The following RNF152 variants were observed in gnomAD, a reference collection of about 807,000 sequenced individuals.
The protein encoded by RNF152 is E3 ubiquitin-protein ligase RNF152.
RNF152 carries 11 observed loss-of-function variants against 12.7 expected under a neutral mutation model. The ratio of observed to expected loss-of-function variants is 0.86; its 90% CI spans 0.54 to 1.43. RNF152 has a LOEUF of 1.43. RNF152 is among the 40% of genes most tolerant of loss of function. The pLI is 0.00. For synonymous variants in RNF152, 113 were observed against 120.3 expected (o/e 0.94, Z 0.40); for missense variants, 255 against 274.8 (o/e 0.93, Z 0.51).
At chr18:61,891,073 C>A (rs550974836) in intron 1 of RNF152, among the ~76,000 whole-genome samples, 1 of 152,276 alleles carries the variant, frequency 6.6e-6, no homozygotes, top group Admixed American at 6.5e-5. Context: ...AACCCCAACC[C>A]CTTGAGTCCA....
At chr18:61,825,824 T>G (rs545149690) in intron 1 of RNF152, among the ~76,000 whole-genome samples, 1 of 152,306 alleles carries the variant, frequency 6.6e-6, no homozygotes, top group African/African-American at 2.4e-5. Context: ...CAAATTTACA[T>G]TTTAATAAAA....
intron 1 of RNF152, among the ~76,000 whole-genome samples, chr18:61,836,414 G>A (rs966556333): frequency 6.6e-6 from 1 of 152,164 alleles, no homozygotes; most frequent in African/African-American, 2.4e-5. Flanking sequence ...GGGCCTTCAG[G>A]AGGTAATTAG....
intron 1 of RNF152, among the ~76,000 whole-genome samples, chr18:61,829,779 TGTGAGAAGAA>T (rs1909852355): frequency 3.3e-5 from 5 of 151,970 alleles, no homozygotes; most frequent in Admixed American, 3.3e-4. Context: ...GTTCTTATGT[TGTGAGAAGAA>T]GTGAGAATAT....
At chr18:61,823,645 G>C (rs570786483) in intron 1 of RNF152, among the ~76,000 whole-genome samples, 2 of 152,394 alleles carry the variant, frequency 1.3e-5, no homozygotes, top group East Asian at 3.9e-4. Context: ...GAATAGGGCA[G>C]GCGATGCTGA....
chr18:61,825,992 G>T (rs1429728854), intron 1 of RNF152, among the ~76,000 whole-genome samples: 1 of 152,118 alleles, frequency 6.6e-6, no homozygotes, highest in African/African-American at 2.4e-5. Flanking sequence ...AAAGGGGCAG[G>T]TAGTATATCC....
intron 1 of RNF152, among the ~76,000 whole-genome samples, chr18:61,879,076 G>C (rs368368875): frequency 2.0e-5 from 3 of 152,156 alleles, no homozygotes; most frequent in Non-Finnish European, 4.4e-5. Flanking sequence ...ACAAAGTATC[G>C]AAGAAAGTAC....
intron 1 of RNF152, among the ~76,000 whole-genome samples, chr18:61,847,014 G>A (rs1400027079): frequency 6.6e-6 from 1 of 152,070 alleles, no homozygotes; most frequent in Non-Finnish European, 1.5e-5. Flanking sequence ...ATTGTTATGA[G>A]GATTAAATGG....
At chr18:61,836,339 G>A (rs576703201) in intron 1 of RNF152, among the ~76,000 whole-genome samples, 9 of 152,226 alleles carry the variant, frequency 5.9e-5, no homozygotes, top group East Asian at 1.9e-4. Flanking sequence ...TAGGCCGAAT[G>A]TCTGTGTCCC....
intron 1 of RNF152, among the ~76,000 whole-genome samples, chr18:61,875,508 T>C (rs1382909060): frequency 1.3e-5 from 2 of 152,202 alleles, no homozygotes; most frequent in African/African-American, 4.8e-5. Flanking sequence ...TCTAGAGAGC[T>C]TCTCTCCCTG....
intron 1 of RNF152, among the ~76,000 whole-genome samples, chr18:61,851,768 T>C (rs1324011299): frequency 1.3e-5 from 2 of 152,180 alleles, no homozygotes; most frequent in East Asian, 1.9e-4. Context: ...AGAAGTTACA[T>C]GGCACTAGAG....
At chr18:61,883,729 T>C (rs1912567564) in intron 1 of RNF152, among the ~76,000 whole-genome samples, 1 of 152,260 alleles carries the variant, frequency 6.6e-6, no homozygotes, top group South Asian at 2.1e-4. Flanking sequence ...TTCATTTCAC[T>C]TGGGAAGAGT....
intron 1 of RNF152, among the ~76,000 whole-genome samples, chr18:61,842,995 G>C (rs1910520721): frequency 6.6e-6 from 1 of 152,248 alleles, no homozygotes; most frequent in Middle Eastern, 3.4e-3. Context: ...TTTCATGACT[G>C]GTTCTGGTAA....
chr18:61,884,297 A>G (rs1912596393), intron 1 of RNF152, among the ~76,000 whole-genome samples: 1 of 152,154 alleles, frequency 6.6e-6, no homozygotes, highest in Non-Finnish European at 1.5e-5. Flanking sequence ...ATTTAAACCC[A>G]AACCCATCTT....
chr18:61,825,317 A>G (rs1240836511), intron 1 of RNF152, among the ~76,000 whole-genome samples: 2 of 152,216 alleles, frequency 1.3e-5, no homozygotes, highest in East Asian at 3.8e-4. Flanking sequence ...CTGAGCATGT[A>G]TGTCCAATTG....
At chr18:61,849,930 T>C (rs1487200934) in intron 1 of RNF152, among the ~76,000 whole-genome samples, 1 of 152,250 alleles carries the variant, frequency 6.6e-6, no homozygotes, top group Admixed American at 6.5e-5. Context: ...CTGTGTGACC[T>C]GAGGCAATTC....
At position 61,846,699 on chromosome 18, in the gene RNF152, A is replaced by C. The variant is rs559513678; in HGVS notation, c.-135-30101T>G. ...CTGGCACCAGAAAGGTATTCTGTAC[A>C]TTCTGGGAAATTCATAGAAACATTT... On this transcript the variant is annotated intron_variant, in intron 1 of 1. Coordinates refer to ENST00000312828, the MANE Select transcript of RNF152 (RefSeq NM_173557.3). Among the ~76,000 whole-genome samples the C allele has an allele frequency of 5.3e-5, 8 of 152,356 alleles. No individual in the cohort carries two copies. In the South Asian group the frequency reaches 1.4e-3, roughly 28 times the overall value.
intron 1 of RNF152, among the ~76,000 whole-genome samples, chr18:61,860,187 C>T (rs1443727391): frequency 6.6e-6 from 1 of 152,096 alleles, no homozygotes; most frequent in Non-Finnish European, 1.5e-5. Context: ...CATGGGCCTG[C>T]CGACACCATG....
At chr18:61,890,690 A>C (rs4941081) in intron 1 of RNF152, among the ~76,000 whole-genome samples, 33 of 152,144 alleles carry the variant, frequency 2.2e-4, no homozygotes, top group Non-Finnish European at 3.7e-4. Context: ...TGGAAAAGCA[A>C]CATTTGTTTC....
chr18:61,857,220 C>T (rs566201265), intron 1 of RNF152, among the ~76,000 whole-genome samples: 1 of 152,288 alleles, frequency 6.6e-6, no homozygotes, highest in South Asian at 2.1e-4. Flanking sequence ...AAAGTGCAGA[C>T]ACTTTTCTAT....
Sources: gnomAD v4.1 joint callset for allele counts (sites outside exome capture counted in the v4.1 genomes callset) on GRCh38, gnomAD v4.1.1 for gene constraint, MANE v1.5 for transcripts, NCBI Gene and HGNC (gene_info 2026-07-23, HGNC 2026-07-21) for gene names.